The following DACH1 variants were observed in gnomAD, a reference collection of about 807,000 sequenced individuals.
DACH1 encodes dachshund family transcription factor 1.
A neutral mutation model predicts 54.2 loss-of-function variants in DACH1; 12 were observed. The ratio of observed to expected loss-of-function variants is 0.22; its 90% CI spans 0.14 to 0.36. DACH1 has a LOEUF of 0.36. DACH1 is among the 10% of genes least tolerant of loss of function. The pLI is 1.00. For synonymous variants in DACH1, 386 were observed against 366.2 expected (o/e 1.05, Z -0.62); for missense variants, 805 against 929.8 (o/e 0.87, Z 1.75).
chr13:71,637,593 C>T (rs1318923655), intron 2 of DACH1, among the ~76,000 whole-genome samples: 5 of 152,086 alleles, frequency 3.3e-5, no homozygotes, highest in Non-Finnish European at 5.9e-5. Flanking sequence ...AGTTTAAATT[C>T]TATATTCTAA....
At chr13:71,674,114 C>T (rs1880397445) in intron 2 of DACH1, among the ~76,000 whole-genome samples, 1 of 152,124 alleles carries the variant, frequency 6.6e-6, no homozygotes, top group South Asian at 2.1e-4. Context: ...TGAATATCTG[C>T]TCTGTGCCAG....
intron 6 of DACH1, among the ~76,000 whole-genome samples, chr13:71,550,417 C>T (rs575962505): frequency 3.2e-4 from 48 of 152,112 alleles, no homozygotes; most frequent in African/African-American, 9.4e-4. Context: ...CATACATATC[C>T]CATGTAAGGA....
chr13:71,440,563 A>G lies in DACH1; in HGVS notation c.*92T>C. 1 of 1,004,646 alleles carries G rather than the reference A, an allele frequency of 1.0e-6. No homozygotes were observed. The highest frequency in any genetic ancestry group is 1.5e-5 in the South Asian group (1 of 67,204). 62.2% of individuals were successfully genotyped at this position (1,004,646 alleles called of 1,614,324 possible). A position where few individuals can be genotyped will look rare whatever the true frequency, so the allele number is the denominator to read the frequency against. On this transcript the variant is annotated 3_prime_UTR_variant, in exon 11 of 11. Transcript: ENST00000613252. ...TACACAAAATTCAGGAAGTTCCCTT[A>G]AAAGGACTTTATTTTTTTCTGAACT... is the stretch of plus-strand genomic sequence containing the variant.
At chr13:71,819,531 G>T (rs2138177900) in intron 1 of DACH1, among the ~76,000 whole-genome samples, 1 of 152,272 alleles carries the variant, frequency 6.6e-6, no homozygotes, top group South Asian at 2.1e-4. Flanking sequence ...TCATGGTCAT[G>T]GTATCACATG....
chr13:71,594,258 T>C (rs1266176324), intron 3 of DACH1, among the ~76,000 whole-genome samples: 1 of 151,864 alleles, frequency 6.6e-6, no homozygotes, highest in Non-Finnish European at 1.5e-5. Context: ...ATATATACTT[T>C]AGGTAACAAA....
chr13:71,526,336 G>T (rs1375064500), intron 6 of DACH1, among the ~76,000 whole-genome samples: 3 of 152,094 alleles, frequency 2.0e-5, no homozygotes. Flanking sequence ...GAATAAACAT[G>T]TAAGGTCTTT....
At chr13:71,671,645 T>C (rs1170879040) in intron 2 of DACH1, among the ~76,000 whole-genome samples, 3 of 152,024 alleles carry the variant, frequency 2.0e-5, no homozygotes, top group Non-Finnish European at 2.9e-5. Context: ...AGTGGGAAAA[T>C]TTACAGCTGA....
At chr13:71,713,060 A>AC (rs1418149494) in intron 1 of DACH1, among the ~76,000 whole-genome samples, 2 of 151,672 alleles carry the variant, frequency 1.3e-5, no homozygotes, top group African/African-American at 4.8e-5. Context: ...GCAAGGGGTC[A>AC]CAAGCCCAAG....
rs1207679409 is a variant in DACH1 at position 71,476,572 on chromosome 13, C to T, written c.1871-723G>A. Among the ~76,000 whole-genome samples, 4 of 151,818 alleles carry T rather than the reference C, an allele frequency of 2.6e-5. No individual in the cohort carries two copies. The South Asian group carries it at 8.3e-4, about 32-fold the overall frequency. Reference sequence around the variant, plus strand: ...TGCAGAAATCTGAGGCAGTATGAACCCCCATTGCTAATAATAATATGCTGC... The same window carrying T: ...TGCAGAAATCTGAGGCAGTATGAACTCCCATTGCTAATAATAATATGCTGC... On this transcript the variant is annotated intron_variant, in intron 8 of 10. Transcript: ENST00000613252.
At chr13:71,442,920 A>G (rs1018638001) in intron 10 of DACH1, among the ~76,000 whole-genome samples, 1 of 151,678 alleles carries the variant, frequency 6.6e-6, no homozygotes, top group Admixed American at 6.6e-5. Context: ...GACTACGGGA[A>G]GATAAACTAT....
chr13:71,809,851 A>G (rs1054058898), intron 1 of DACH1, among the ~76,000 whole-genome samples: 4 of 152,194 alleles, frequency 2.6e-5, no homozygotes, highest in African/African-American at 9.6e-5. Context: ...GAAGCTAAAC[A>G]GGTAAAGTTT....
chr13:71,484,323 A>G (rs920840376), intron 7 of DACH1, among the ~76,000 whole-genome samples: 2 of 152,124 alleles, frequency 1.3e-5, no homozygotes, highest in African/African-American at 4.8e-5. Flanking sequence ...ATGCCCCATC[A>G]TGCCCAGCTA....
At chr13:71,789,348 C>T (rs1886739349) in intron 1 of DACH1, among the ~76,000 whole-genome samples, 1 of 152,028 alleles carries the variant, frequency 6.6e-6, no homozygotes, top group South Asian at 2.1e-4. Flanking sequence ...ATTAGACACC[C>T]TATGTTATGC....
chr13:71,845,092 ATAGC>A (rs1219765861), intron 1 of DACH1, among the ~76,000 whole-genome samples: 2 of 152,136 alleles, frequency 1.3e-5, no homozygotes, highest in South Asian at 2.1e-4. Context: ...ATAGGTTCAA[ATAGC>A]TAGAAGGAAG....
intron 1 of DACH1, among the ~76,000 whole-genome samples, chr13:71,742,072 A>C (rs1004969735): frequency 6.6e-6 from 1 of 152,276 alleles, no homozygotes; most frequent in South Asian, 2.1e-4. Flanking sequence ...ATGACAATGA[A>C]TAAGTCTCAC....
intron 1 of DACH1, among the ~76,000 whole-genome samples, chr13:71,827,626 C>T (rs962893432): frequency 6.6e-6 from 1 of 151,982 alleles, no homozygotes; most frequent in Non-Finnish European, 1.5e-5. Context: ...ATTGATAGAA[C>T]GCTCCTTATT....
At chr13:71,825,060 TA>T (rs1036086319) in intron 1 of DACH1, among the ~76,000 whole-genome samples, 5 of 152,058 alleles carry the variant, frequency 3.3e-5, no homozygotes, top group African/African-American at 1.2e-4. Context: ...AGAGAGCTAT[TA>T]ATTTATTAAT....
At chr13:71,758,847 C>T (rs1290084690) in intron 1 of DACH1, among the ~76,000 whole-genome samples, 1 of 151,900 alleles carries the variant, frequency 6.6e-6, no homozygotes, top group Admixed American at 6.6e-5. Flanking sequence ...TTAAGGCCTG[C>T]TTTGAAGAAA....
intron 3 of DACH1, among the ~76,000 whole-genome samples, chr13:71,584,140 T>G (rs1873061320): frequency 6.6e-6 from 1 of 152,200 alleles, no homozygotes; most frequent in African/African-American, 2.4e-5. Context: ...CCTGGGTAAA[T>G]GCACCTTGTT....
Sources: gnomAD v4.1 joint callset for allele counts (sites outside exome capture counted in the v4.1 genomes callset) on GRCh38, gnomAD v4.1.1 for gene constraint, MANE v1.5 for transcripts, NCBI Gene and HGNC (gene_info 2026-07-23, HGNC 2026-07-21) for gene names.